Variants in LILRB3 observed in about 807,000 individuals in gnomAD.
LILRB3 encodes the protein leukocyte immunoglobulin-like receptor subfamily B member 3.
In LILRB3, 32 loss-of-function variants were observed where a neutral mutation model predicts 68.2. The observed-to-expected ratio is 0.47, with a 90% CI of 0.35 to 0.63. The LOEUF (loss-of-function observed/expected upper bound fraction) is 0.63. Ranked by LOEUF, LILRB3 falls within the 30% of genes least tolerant of loss-of-function variation. The pLI is 0.00. For synonymous variants in LILRB3, 185 were observed against 323.1 expected (o/e 0.57, Z 4.58); for missense variants, 502 against 791.3 (o/e 0.63, Z 4.39).
rs1217835409 is a variant in LILRB3 at position 54,221,187 on chromosome 19, C to T, written c.851G>A (p.Gly284Asp). 6.5e-6 allele frequency: 10 copies of T among 1,529,488 alleles called. No individual in the cohort carries two copies. In the African/African-American group the frequency reaches 1.4e-4, roughly 22 times the overall value. The allele number at this position is 1,529,488 out of a possible 1,614,324, so 94.7% of individuals were successfully genotyped here. ...GCCCCCGTAGGAGCGGCTCACAGGGCCCAGGGTGAAGTTGGCCTGGGAGAG... is the reference window on the plus strand; with the variant it reads ...GCCCCCGTAGGAGCGGCTCACAGGGTCCAGGGTGAAGTTGGCCTGGGAGAG... Residue 284 changes from glycine (G) to aspartate (D), a missense_variant, in exon 5 of 13, where the codon GGC becomes GAC. Transcript: ENST00000445347.
chr19:54,218,571 C>A (rs2077724777), intron 10 of LILRB3, 74 bp downstream of exon 10: 1 of 1,610,730 alleles, frequency 6.2e-7, no homozygotes, highest in Non-Finnish European at 8.5e-7. Flanking sequence ...CTTCCCAGCC[C>A]CTCCCTGTTG....
At chr19:54,221,181 A>G (rs2078136308) in exon 5 of LILRB3, 1 of 1,510,500 alleles carries the variant, frequency 6.6e-7, no homozygotes, top group African/African-American at 1.6e-5. Flanking sequence ...GGAGCGGCTC[A>G]CAGGGCCCAG....
chr19:54,218,885 C>T (rs777354212), intron 8 of LILRB3, 47 bp from the exon 9 acceptor site: 1 of 1,612,322 alleles, frequency 6.2e-7, no homozygotes, highest in South Asian at 1.1e-5. Flanking sequence ...ATTAGAACTC[C>T]CATTCTACAC....
At chr19:54,222,410 G>C (rs2078283702) in exon 3 of LILRB3, 1 of 1,608,530 alleles carries the variant, frequency 6.2e-7, no homozygotes, top group Non-Finnish European at 8.5e-7. Flanking sequence ...TTGGGTTCCA[G>C]TGGGTTATTT....
chr19:54,218,596 G>C, intron 10 of LILRB3, 49 bp downstream of exon 10: 2 of 1,613,582 alleles, frequency 1.2e-6, no homozygotes, highest in Non-Finnish European at 1.7e-6. Context: ...TGAAATTTTG[G>C]GACTCCTGTC....
At chr19:54,218,497 G>T (rs529104274) in intron 10 of LILRB3, 84 bp from the exon 11 acceptor site, 58 of 1,605,048 alleles carry the variant, frequency 3.6e-5, no homozygotes, top group Non-Finnish European at 4.9e-5. Context: ...TCCCAGATGG[G>T]GCCACCGAAT....
At chr19:54,219,418 C>A in intron 7 of LILRB3, 173 bp from the exon 8 acceptor site, 1 of 1,487,800 alleles carries the variant, frequency 6.7e-7, no homozygotes, top group Non-Finnish European at 9.2e-7. Context: ...AGGCTCAGAG[C>A]AGGGAGTCGC....
intron 7 of LILRB3, chr19:54,219,640 G>A (rs2077883856): frequency 1.3e-6 from 2 of 1,494,002 alleles, no homozygotes; most frequent in African/African-American, 2.8e-5. Context: ...ATCGGGTCTG[G>A]GAGGTTCCCT....
intron 7 of LILRB3, chr19:54,219,528 T>G (rs1291797636): frequency 1.9e-6 from 3 of 1,550,240 alleles, no homozygotes; most frequent in Non-Finnish European, 2.6e-6. Flanking sequence ...GACCCGGAGC[T>G]GCAGGGAAAG....
intron 6 of LILRB3, 152 bp downstream of exon 6, chr19:54,220,376 C>T (rs1345672513): frequency 2.8e-5 from 30 of 1,064,674 alleles, no homozygotes; most frequent in African/African-American, 2.6e-4. Context: ...CTAGGAGAAC[C>T]CCTGTTGGCC....
chr19:54,218,381 T>C (rs1132610), exon 11 of LILRB3: 198,319 of 1,613,894 alleles, frequency 0.12, 14,580 homozygotes, highest in African/African-American at 0.32. Context: ...AGCTCCACCC[T>C]GTCCTCAGAC....
Position 54,222,363 on chromosome 19 carries a change from C to CT in LILRB3, c.269dup (p.His91AlafsTer122). On this transcript the variant is annotated frameshift_variant, in exon 3 of 13. Transcript: ENST00000445347. LOFTEE classifies it high-confidence loss of function. ...GGCAGCGGTATCTCCCTGCATGGTGCTGTGTCATGGATGGGATGGAGAATC... is the reference window on the plus strand; with the variant it reads ...GGCAGCGGTATCTCCCTGCATGGTGCTTGTGTCATGGATGGGATGGAGAATC... The CT allele has an allele frequency of 1.2e-6, 2 of 1,601,474 alleles. No individual in the cohort carries two copies. The highest frequency in any genetic ancestry group is 1.1e-5 in the South Asian group (1 of 90,532).
Position 54,222,142 on chromosome 19 carries a change from A to G in LILRB3, c.356-12T>C, listed in dbSNP as rs186662061. On this transcript the variant is annotated splice_polypyrimidine_tract_variant and intron_variant, in intron 3 of 12. Coordinates refer to ENST00000445347, the Ensembl canonical transcript of LILRB3. ...TTTGTTGTAGAATCCTAGGAGAGAA[A>G]GAGGCACCGTGTTAAATGGGGCTCC... is the stretch of plus-strand genomic sequence containing the variant. 0.02 allele frequency: 31,518 copies of G among 1,591,592 alleles called. 267 individuals are homozygous for G. The highest frequency in any genetic ancestry group is 0.087 in the African/African-American group (6,104 of 70,154).
At chr19:54,218,576 C>T in intron 10 of LILRB3, 69 bp downstream of exon 10, 3 of 1,612,152 alleles carry the variant, frequency 1.9e-6, no homozygotes, top group South Asian at 1.1e-5. Flanking sequence ...CAGCCCCTCC[C>T]TGTTGCTACT....
intron 11 of LILRB3, 144 bp from the exon 12 acceptor site, chr19:54,217,618 G>T: frequency 8.7e-7 from 1 of 1,150,528 alleles, no homozygotes; most frequent in East Asian, 2.6e-5. Flanking sequence ...TGGAGGGTCT[G>T]GCCGCTCCCT....
intron 7 of LILRB3, chr19:54,219,560 G>T: frequency 6.5e-7 from 1 of 1,549,772 alleles, no homozygotes; most frequent in Non-Finnish European, 8.7e-7. Context: ...CCTGAACCAC[G>T]GCCCTGCTCC....
chr19:54,219,300 G>C (rs1033690840), intron 7 of LILRB3, 55 bp from the exon 8 acceptor site: 77 of 1,508,888 alleles, frequency 5.1e-5, no homozygotes, highest in Non-Finnish European at 6.9e-5. Flanking sequence ...AGCACCTACT[G>C]TGTGCAGGCG....
At chr19:54,216,794 G>A in exon 13 of LILRB3, 6 of 1,270,830 alleles carry the variant, frequency 4.7e-6, no homozygotes, top group Non-Finnish European at 6.1e-6. Context: ...TTGTGTTCAA[G>A]GAATCCTCCC....
chr19:54,219,155 T>A (rs2077801079), exon 8 of LILRB3: 1 of 1,605,786 alleles, frequency 6.2e-7, no homozygotes, highest in African/African-American at 1.3e-5. Flanking sequence ...GCTGTGACGC[T>A]GACGGAGGAG....
Sources: gnomAD v4.1 joint callset for allele counts on GRCh38, gnomAD v4.1.1 for gene constraint, MANE v1.5 for transcripts, NCBI Gene and HGNC (gene_info 2026-07-23, HGNC 2026-07-21) for gene names.